TRPM7: variants seen among roughly 807,000 people sequenced by gnomAD.
TRPM7 encodes the protein transient receptor potential cation channel subfamily M member 7.
A neutral mutation model predicts 229.7 loss-of-function variants in TRPM7; 134 were observed. That is an observed-to-expected ratio of 0.58 (90% CI 0.51 to 0.67). The LOEUF is 0.67. Among genes scored for constraint, TRPM7 ranks in the 30% least tolerant of loss-of-function variants. The pLI, the probability that TRPM7 is intolerant of heterozygous loss-of-function variation, is 0.00. For missense variants in TRPM7, 1,901 were observed against 2,210.0 expected, an observed-to-expected ratio of 0.86 and a Z score of 2.80; for synonymous variants, 699 against 715.2, an observed-to-expected ratio of 0.98 and a Z score of 0.36.
chr15:50,635,319 A>T (rs1426250884), intron 7 of TRPM7, among the ~76,000 whole-genome samples: 14 of 37,020 alleles, frequency 3.8e-4, no homozygotes, highest in East Asian at 1.9e-3. Context: ...TCCCTCACAT[A>T]AAAAAAAAAA....
chr15:50,656,370 G>A (rs1304186801), intron 3 of TRPM7, among the ~76,000 whole-genome samples: 6 of 152,056 alleles, frequency 3.9e-5, no homozygotes, highest in African/African-American at 1.4e-4. Flanking sequence ...TGTGATCAGG[G>A]CTTATTGCAG....
Position 50,643,672 on chromosome 15 carries a change from G to C in TRPM7, c.322-119C>G, listed in dbSNP as rs985797093. 2.1e-5 allele frequency: 15 copies of C among 700,736 alleles called. No homozygotes were observed. The Middle Eastern group carries it at 1.9e-3, about 86-fold the overall frequency. 43.4% of individuals were successfully genotyped at this position (700,736 alleles called of 1,614,324 possible). A position where few individuals can be genotyped will look rare whatever the true frequency, so the allele number is the denominator to read the frequency against. On this transcript the variant is annotated intron_variant, in intron 4 of 38. Transcript: ENST00000646667. Reference sequence around the variant, plus strand: ...AGATTATGTAAAAAGAGATTTCATAGGCTATTTTCAATATATTTATACTCC... The same window carrying C: ...AGATTATGTAAAAAGAGATTTCATACGCTATTTTCAATATATTTATACTCC...
At chr15:50,596,897 T>A (rs1314657715) in intron 22 of TRPM7, among the ~76,000 whole-genome samples, 4 of 152,148 alleles carry the variant, frequency 2.6e-5, no homozygotes, top group Non-Finnish European at 5.9e-5. Flanking sequence ...ACAACAGGCA[T>A]GCGCCACCAT....
chr15:50,632,132 G>A (rs1273806016), intron 9 of TRPM7, among the ~76,000 whole-genome samples: 2 of 151,934 alleles, frequency 1.3e-5, no homozygotes, highest in East Asian at 1.9e-4. Context: ...GTGAAACACC[G>A]CCTCTAGTCA....
intron 6 of TRPM7, among the ~76,000 whole-genome samples, chr15:50,638,577 T>C (rs1038490097): frequency 6.6e-6 from 1 of 151,706 alleles, no homozygotes; most frequent in African/African-American, 2.4e-5. Flanking sequence ...TAAAAAACAA[T>C]AAAATGTAAT....
intron 3 of TRPM7, among the ~76,000 whole-genome samples, chr15:50,651,769 A>T (rs2061426864): frequency 6.6e-6 from 1 of 152,066 alleles, no homozygotes; most frequent in African/African-American, 2.4e-5. Context: ...AGTCGCCTGT[A>T]ATCCCAGCTA....
At position 50,624,254 on chromosome 15, in the gene TRPM7, C is replaced by T; in HGVS notation, c.1352G>A (p.Arg451Lys). The T allele has an allele frequency of 6.2e-7, 1 of 1,612,544 alleles. No individual in the cohort carries two copies. The highest frequency in any genetic ancestry group is 8.5e-7 in the Non-Finnish European group (1 of 1,179,264). Residue 451 changes from arginine to lysine, a missense_variant, in exon 12 of 39, where the codon AGA (arginine) becomes AAA (lysine). Arg to Lys is a conservative substitution (Grantham distance 26). Coordinates refer to ENST00000646667, the MANE Select transcript of TRPM7 (RefSeq NM_017672.6). ...QAMLDALVMD[R>K]VAFVKLLIEN... ...AATAAGAAGTTTTACAAATGCAACTCTATCCATTACAAGAGCATCAAGCAT... is the reference window on the plus strand; with the variant it reads ...AATAAGAAGTTTTACAAATGCAACTTTATCCATTACAAGAGCATCAAGCAT...
chr15:50,605,935 T>C (rs1388840171), intron 20 of TRPM7, among the ~76,000 whole-genome samples: 1 of 151,898 alleles, frequency 6.6e-6, no homozygotes, highest in African/African-American at 2.4e-5. Flanking sequence ...TTCGAGTTGG[T>C]GTTTGGAAAA....
intron 12 of TRPM7, among the ~76,000 whole-genome samples, chr15:50,620,886 C>T (rs565376214): frequency 2.5e-4 from 38 of 151,748 alleles, no homozygotes; most frequent in South Asian, 1.7e-3. Flanking sequence ...AAGCCGAGAT[C>T]GCGTCATTGC....
intron 3 of TRPM7, among the ~76,000 whole-genome samples, chr15:50,654,657 A>C (rs2061508274): frequency 6.6e-6 from 1 of 151,430 alleles, no homozygotes; most frequent in African/African-American, 2.4e-5. Context: ...TATAACAAAG[A>C]ATCAAATAGC....
At chr15:50,643,659 A>C in intron 4 of TRPM7, 106 bp from the exon 5 acceptor site, 1 of 778,716 alleles carries the variant, frequency 1.3e-6, no homozygotes, top group Non-Finnish European at 2.1e-6. Flanking sequence ...ATTATGTAAA[A>C]AGAGATTTCA....
chr15:50,568,515 C>T (rs2053720558), intron 38 of TRPM7, among the ~76,000 whole-genome samples: 1 of 152,058 alleles, frequency 6.6e-6, no homozygotes, highest in Non-Finnish European at 1.5e-5. Flanking sequence ...ATTTACATAC[C>T]TAATAATGCT....
intron 36 of TRPM7, among the ~76,000 whole-genome samples, chr15:50,570,932 A>G (rs2141478421): frequency 6.6e-6 from 1 of 152,160 alleles, no homozygotes; most frequent in South Asian, 2.1e-4. Context: ...AACACATATC[A>G]CATTTTCTTG....
chr15:50,683,505 C>A (rs905816168), intron 1 of TRPM7, among the ~76,000 whole-genome samples: 1 of 151,192 alleles, frequency 6.6e-6, no homozygotes, highest in East Asian at 1.9e-4. Flanking sequence ...GAGGCCGAGG[C>A]GGGTGGATCA....
intron 1 of TRPM7, among the ~76,000 whole-genome samples, chr15:50,678,702 A>G (rs2062160534): frequency 6.6e-6 from 1 of 152,064 alleles, no homozygotes; most frequent in African/African-American, 2.4e-5. Flanking sequence ...AGCATCTATA[A>G]TTCTGTAACA....
At chr15:50,649,779 T>C (rs1419757945) in intron 3 of TRPM7, among the ~76,000 whole-genome samples, 1 of 151,932 alleles carries the variant, frequency 6.6e-6, no homozygotes, top group African/African-American at 2.4e-5. Context: ...ATCTTAAAAA[T>C]CAGATGAGAG....
intron 36 of TRPM7, 150 bp from the exon 37 acceptor site, chr15:50,570,305 C>A: frequency 1.7e-6 from 1 of 595,358 alleles, no homozygotes; most frequent in Non-Finnish European, 2.8e-6. Flanking sequence ...TAGTTCTTCT[C>A]TTTTGATATT....
rs34590459 is a variant in TRPM7 at position 50,682,173 on chromosome 15, C to CAAAAAAAAAAAAAAAAAAAA, written c.3+4357_3+4358insTTTTTTTTTTTTTTTTTTTT. Among the ~76,000 whole-genome samples, 51 of 63,658 alleles carry CAAAAAAAAAAAAAAAAAAAA rather than the reference C, an allele frequency of 8.0e-4. 3 individuals carry two copies. Among genetic ancestry groups the CAAAAAAAAAAAAAAAAAAAA allele is most frequent in the Middle Eastern group, 0.014 (1 of 74 alleles). The allele number at this position is 63,658 out of a possible 152,430, so 41.8% of individuals were successfully genotyped here. A position where few individuals can be genotyped will look rare whatever the true frequency, so the allele number is the denominator to read the frequency against. On this transcript the variant is annotated intron_variant, in intron 1 of 38. Coordinates refer to ENST00000646667, the MANE Select transcript of TRPM7 (RefSeq NM_017672.6). The stretch of plus-strand genomic sequence containing the variant: ...TGGGCAAAAGAGCAAAACTCAGTCT[C>CAAAAAAAAAAAAAAAAAAAA]AAAAAAAAAAAAAAAAAAGGACTGT...
chr15:50,686,409 G>A, intron 1 of TRPM7, 122 bp downstream of exon 1: 1 of 1,526,420 alleles, frequency 6.6e-7, no homozygotes, highest in Non-Finnish European at 9.1e-7. Flanking sequence ...GAAGCCTCAA[G>A]GCAATTCGAG....
Sources: allele counts gnomAD v4.1 joint callset (sites outside exome capture counted in the v4.1 genomes callset), GRCh38; gene constraint gnomAD v4.1.1; transcripts MANE v1.5; gene names NCBI Gene and HGNC (gene_info 2026-07-23, HGNC 2026-07-21).